Variants in PDSS2 observed in about 807,000 individuals in gnomAD.
The protein encoded by PDSS2 is all trans-polyprenyl-diphosphate synthase PDSS2.
In PDSS2, 31 loss-of-function variants were observed where a neutral mutation model predicts 44.5. That is an observed-to-expected ratio of 0.70 (90% CI 0.52 to 0.94). The LOEUF (loss-of-function observed/expected upper bound fraction) is 0.94. Ranked by LOEUF, PDSS2 falls within the 40% of genes least tolerant of loss-of-function variation. PDSS2 has a pLI of 0.00. For missense variants in PDSS2, 452 were observed against 482.2 expected (o/e 0.94, Z 0.59); for synonymous variants, 157 against 180.3 (o/e 0.87, Z 1.03).
chr6:107,318,864 T>C (rs1190269189), intron 2 of PDSS2, among the ~76,000 whole-genome samples: 2 of 152,122 alleles, frequency 1.3e-5, no homozygotes, highest in Non-Finnish European at 2.9e-5. Context: ...GGCAGGCGCC[T>C]GTAATCCCAG....
intron 4 of PDSS2, among the ~76,000 whole-genome samples, chr6:107,241,464 A>G (rs1054021918): frequency 6.8e-6 from 1 of 146,248 alleles, no homozygotes; most frequent in Non-Finnish European, 1.5e-5. Flanking sequence ...CTTCTGCCTC[A>G]GCCTCCCGAG....
intron 2 of PDSS2, among the ~76,000 whole-genome samples, chr6:107,327,101 T>C (rs1279795230): frequency 6.6e-6 from 1 of 152,220 alleles, no homozygotes; most frequent in East Asian, 1.9e-4. Context: ...TACACTTCTA[T>C]AAATGAATAT....
intron 6 of PDSS2, among the ~76,000 whole-genome samples, chr6:107,198,363 C>T (rs1772640089): frequency 6.6e-6 from 1 of 152,106 alleles, no homozygotes; most frequent in African/African-American, 2.4e-5. Context: ...ACACCGTTAC[C>T]ACAGCCATTA....
At chr6:107,298,757 T>TCCTAAGAA (rs1225517828) in intron 2 of PDSS2, among the ~76,000 whole-genome samples, 4 of 152,216 alleles carry the variant, frequency 2.6e-5, no homozygotes, top group Non-Finnish European at 4.4e-5. Flanking sequence ...AATGTTCTCA[T>TCCTAAGAA]CCTAAGAGGT....
At chr6:107,356,073 A>G in intron 1 of PDSS2, among the ~76,000 whole-genome samples, 1 of 152,262 alleles carries the variant, frequency 6.6e-6, no homozygotes, top group East Asian at 1.9e-4. Flanking sequence ...TATTTGGTAT[A>G]GTAAATTTTA....
chr6:107,222,182 T>A (rs972725749), intron 4 of PDSS2, among the ~76,000 whole-genome samples: 1 of 151,526 alleles, frequency 6.6e-6, no homozygotes, highest in Admixed American at 6.6e-5. Flanking sequence ...TACCTTATTA[T>A]TTTTTTTAAA....
chr6:107,181,261 G>A (rs146878460), intron 7 of PDSS2, among the ~76,000 whole-genome samples: 40 of 152,312 alleles, frequency 2.6e-4, no homozygotes, highest in Non-Finnish European at 4.3e-4. Context: ...GGGGCCGGGC[G>A]CAGTGGCTCA....
At chr6:107,265,348 G>C (rs904242337) in intron 3 of PDSS2, among the ~76,000 whole-genome samples, 1 of 152,050 alleles carries the variant, frequency 6.6e-6, no homozygotes. Context: ...ATTCAGACAA[G>C]AATCCAGTAG....
Position 107,239,216 on chromosome 6 carries a change from G to A in PDSS2, c.702+6332C>T, listed in dbSNP as rs188041699. On this transcript the variant is annotated intron_variant, in intron 4 of 7. Coordinates refer to ENST00000369037, the MANE Select transcript of PDSS2 (RefSeq NM_020381.4). ...CTCTTGAATCCAGGAGGCAAAAGTT[G>A]CAGTGAGCTGAGATTGTGCCACTGC... Among the ~76,000 whole-genome samples the A allele has an allele frequency of 3.9e-5, 6 of 152,288 alleles. No homozygotes were observed. The East Asian group carries it at 7.7e-4, about 20-fold the overall frequency.
chr6:107,185,437 T>G (rs920422321), intron 7 of PDSS2, among the ~76,000 whole-genome samples: 1 of 152,192 alleles, frequency 6.6e-6, no homozygotes, highest in African/African-American at 2.4e-5. Context: ...CGGAGATATT[T>G]AAACAAGCCA....
At chr6:107,340,025 A>G (rs148082280) in intron 1 of PDSS2, among the ~76,000 whole-genome samples, 422 of 151,822 alleles carry the variant, frequency 2.8e-3, no homozygotes, top group African/African-American at 9.9e-3. Flanking sequence ...CAATTAGGAA[A>G]CTTTTGTAAT....
intron 1 of PDSS2, among the ~76,000 whole-genome samples, chr6:107,407,938 A>G (rs968377936): frequency 6.6e-6 from 1 of 152,084 alleles, no homozygotes; most frequent in East Asian, 1.9e-4. Flanking sequence ...TGACCTCGTG[A>G]TCCGCCTGCC....
chr6:107,419,626 T>C (rs1780764403), intron 1 of PDSS2, among the ~76,000 whole-genome samples: 1 of 152,346 alleles, frequency 6.6e-6, no homozygotes, highest in South Asian at 2.1e-4. Context: ...AATTCTCTGA[T>C]AATGTGTTCT....
intron 2 of PDSS2, among the ~76,000 whole-genome samples, chr6:107,289,719 G>A (rs1481014703): frequency 6.6e-6 from 1 of 152,114 alleles, no homozygotes; most frequent in African/African-American, 2.4e-5. Flanking sequence ...AATGGAATAT[G>A]CCAGTATAAT....
At chr6:107,306,101 T>C (rs1034161283) in intron 2 of PDSS2, among the ~76,000 whole-genome samples, 2 of 152,164 alleles carry the variant, frequency 1.3e-5, no homozygotes, top group Non-Finnish European at 2.9e-5. Context: ...ACAATCCTTA[T>C]CTTTGAATCT....
intron 6 of PDSS2, among the ~76,000 whole-genome samples, chr6:107,209,249 C>T (rs1316729361): frequency 6.6e-6 from 1 of 152,122 alleles, no homozygotes; most frequent in Non-Finnish European, 1.5e-5. Context: ...GCCCAGTGGT[C>T]CTCTTTTCCT....
intron 1 of PDSS2, among the ~76,000 whole-genome samples, chr6:107,350,422 T>A (rs1778395344): frequency 6.6e-6 from 1 of 152,218 alleles, no homozygotes; most frequent in South Asian, 2.1e-4. Context: ...ATTGAGAAGA[T>A]AAAAATGTAT....
At chr6:107,355,177 C>T (rs1778559454) in intron 1 of PDSS2, among the ~76,000 whole-genome samples, 1 of 152,174 alleles carries the variant, frequency 6.6e-6, no homozygotes. Context: ...CCTCAGCCTC[C>T]CAAAGTGCTG....
intron 3 of PDSS2, chr6:107,264,360 C>A: frequency 6.5e-7 from 1 of 1,534,366 alleles, no homozygotes; most frequent in Non-Finnish European, 8.8e-7. Context: ...ACATCTGTGC[C>A]ACTGGTTATC....
Sources: allele counts gnomAD v4.1 joint callset (sites outside exome capture counted in the v4.1 genomes callset), GRCh38; gene constraint gnomAD v4.1.1; transcripts MANE v1.5; gene names NCBI Gene and HGNC (gene_info 2026-07-23, HGNC 2026-07-21).